The following GINS1 variants were observed in gnomAD, a reference collection of about 807,000 sequenced individuals.
GINS1 encodes the protein GINS complex subunit 1, also known as DNA replication complex GINS protein PSF1.
A neutral mutation model predicts 34.9 loss-of-function variants in GINS1; 26 were observed. The observed-to-expected ratio is 0.74, with a 90% CI of 0.55 to 1.03. The LOEUF (loss-of-function observed/expected upper bound fraction) is 1.03. Among genes scored for constraint, GINS1 ranks in the 50% least tolerant of loss-of-function variants. The pLI is 0.00. For synonymous variants in GINS1, 97 were observed against 84.4 expected, an observed-to-expected ratio of 1.15 and a Z score of -0.82; for missense variants, 235 against 237.9, an observed-to-expected ratio of 0.99 and a Z score of 0.08.
chr20:25,435,705 CA>C (rs2090450233), intron 5 of GINS1, among the ~76,000 whole-genome samples: 1 of 132,110 alleles, frequency 7.6e-6, no homozygotes, highest in African/African-American at 2.9e-5. Context: ...GCAGAGGTTG[CA>C]GTGAGCCGAG....
chr20:25,440,987 C>T (rs898017083), intron 5 of GINS1, among the ~76,000 whole-genome samples: 2 of 152,114 alleles, frequency 1.3e-5, no homozygotes, highest in Non-Finnish European at 2.9e-5. Context: ...ATAGTCGTTG[C>T]TGGCGTTGAC....
chr20:25,422,676 A>G (rs1237993797), intron 4 of GINS1, among the ~76,000 whole-genome samples: 2 of 152,208 alleles, frequency 1.3e-5, no homozygotes, highest in South Asian at 2.1e-4. Context: ...TTTGAACTTT[A>G]TATAGATTCA....
chr20:25,431,560 CCTTTTTTCTTTTTT>C (rs1218952910), intron 5 of GINS1, among the ~76,000 whole-genome samples: 1 of 148,836 alleles, frequency 6.7e-6, no homozygotes, highest in Non-Finnish European at 1.5e-5. Context: ...TTTTCTTTTT[CCTTTTTTCTTTTTT>C]CTTTTTTTTT....
chr20:25,423,452 C>CTTTTCTTTTTTTTTTTTTTTTTTTTT, intron 4 of GINS1, among the ~76,000 whole-genome samples: 1 of 29,992 alleles, frequency 3.3e-5, no homozygotes. Flanking sequence ...TTTTTCTTTT[C>CTTTTCTTTTTTTTTTTTTTTTTTTTT]TTTTTTTTTT....
At chr20:25,411,407 A>T (rs545436394) in intron 1 of GINS1, 126 of 152,322 alleles carry the variant, frequency 8.3e-4, no homozygotes, top group African/African-American at 2.9e-3. Context: ...ATGCCACAGC[A>T]TTTTTGCCAA....
chr20:25,423,517 G>A (rs2090371057), intron 4 of GINS1, among the ~76,000 whole-genome samples: 1 of 117,960 alleles, frequency 8.5e-6, no homozygotes, highest in Non-Finnish European at 1.6e-5. Context: ...CGCCCAGGCT[G>A]GAGTGCAGTG....
At chr20:25,424,885 A>G (rs539531978) in intron 4 of GINS1, among the ~76,000 whole-genome samples, 3 of 152,332 alleles carry the variant, frequency 2.0e-5, no homozygotes, top group Non-Finnish European at 4.4e-5. Flanking sequence ...CAGAAATAGC[A>G]TCAATGCAGA....
intron 4 of GINS1, chr20:25,419,717 C>T (rs924926811): frequency 2.4e-5 from 9 of 367,422 alleles, no homozygotes; most frequent in African/African-American, 2.0e-4. Context: ...GGCTGGAGTA[C>T]AGTGGTGCAT....
At chr20:25,414,670 A>G (rs2090309221) in intron 2 of GINS1, among the ~76,000 whole-genome samples, 1 of 152,196 alleles carries the variant, frequency 6.6e-6, no homozygotes, top group Admixed American at 6.5e-5. Flanking sequence ...ACTGCACCCT[A>G]GCCTGGGTGA....
At chr20:25,432,055 TAG>T (rs770886851) in intron 5 of GINS1, among the ~76,000 whole-genome samples, 2 of 151,846 alleles carry the variant, frequency 1.3e-5, no homozygotes, top group Non-Finnish European at 2.9e-5. Context: ...GTATTTTTAG[TAG>T]AGACGGGGTT....
At chr20:25,411,977 G>A (rs2090288473) in intron 1 of GINS1, among the ~76,000 whole-genome samples, 1 of 151,770 alleles carries the variant, frequency 6.6e-6, no homozygotes, top group African/African-American at 2.4e-5. Context: ...CATTGCTGGT[G>A]CACACCTGTA....
At chr20:25,423,273 C>T (rs1282094585) in intron 4 of GINS1, among the ~76,000 whole-genome samples, 1 of 150,776 alleles carries the variant, frequency 6.6e-6, no homozygotes, top group Non-Finnish European at 1.5e-5. Context: ...GCCACCATGC[C>T]CGGCTAATTT....
Position 25,446,286 on chromosome 20 carries a change from T to C in GINS1, c.*295T>C, listed in dbSNP as rs539638734. The C allele has an allele frequency of 2.0e-4, 53 of 271,634 alleles. No homozygotes were observed. In the East Asian group the frequency reaches 3.1e-3, roughly 16 times the overall value. 16.8% of individuals were successfully genotyped at this position (271,634 alleles called of 1,614,324 possible). A position where few individuals can be genotyped will look rare whatever the true frequency, so the allele number is the denominator to read the frequency against. On this transcript the variant is annotated 3_prime_UTR_variant, in exon 7 of 7. Transcript: ENST00000262460. Reference sequence around the variant, plus strand: ...CTGGCCTCAAGCAGTCCTCCCACCTTAGCTTCTCAAAGTGTTGAGATCACA... The same window carrying C: ...CTGGCCTCAAGCAGTCCTCCCACCTCAGCTTCTCAAAGTGTTGAGATCACA...
At chr20:25,429,913 G>GTCTTTC (rs2090417669) in intron 5 of GINS1, among the ~76,000 whole-genome samples, 1 of 152,156 alleles carries the variant, frequency 6.6e-6, no homozygotes, top group South Asian at 2.1e-4. Context: ...AAAGCTTTCA[G>GTCTTTC]TCTTTCTTTT....
At chr20:25,423,353 A>G (rs1025782871) in intron 4 of GINS1, among the ~76,000 whole-genome samples, 4 of 148,358 alleles carry the variant, frequency 2.7e-5, no homozygotes, top group Non-Finnish European at 4.4e-5. Context: ...GCCTCAAGAG[A>G]TATGCCCACC....
intron 1 of GINS1, among the ~76,000 whole-genome samples, chr20:25,412,102 C>A (rs1671709948): frequency 1.3e-5 from 2 of 151,938 alleles, no homozygotes; most frequent in African/African-American, 4.8e-5. Context: ...AGTGAGACTT[C>A]ATCTCAACAA....
At chr20:25,411,681 A>G (rs1302241957) in intron 1 of GINS1, among the ~76,000 whole-genome samples, 2 of 151,828 alleles carry the variant, frequency 1.3e-5, no homozygotes, top group African/African-American at 4.8e-5. Flanking sequence ...GGTGGCTTAC[A>G]CCTGTAATCC....
chr20:25,415,784 A>G (rs2090317182), intron 2 of GINS1, among the ~76,000 whole-genome samples: 3 of 152,038 alleles, frequency 2.0e-5, no homozygotes, highest in Non-Finnish European at 4.4e-5. Context: ...GATTCATGCT[A>G]TGAAGGAAAT....
In GINS1 at chr20:25,441,291, C is replaced by T. The variant is rs147598163; in HGVS notation, c.448-411C>T. Among the ~76,000 whole-genome samples the T allele has an allele frequency of 2.1e-3, 317 of 152,282 alleles. 2 individuals are homozygous for T. The highest frequency in any genetic ancestry group is 0.014 in the Middle Eastern group (4 of 294). ...GGATTGGAAGAATTGCTTCCAAAAA[C>T]GAATACTGCAGACTTACCTGTGTCC... On this transcript the variant is annotated intron_variant, in intron 5 of 6. Coordinates refer to ENST00000262460, the MANE Select transcript of GINS1 (RefSeq NM_021067.5).
Sources: allele counts gnomAD v4.1 joint callset (sites outside exome capture counted in the v4.1 genomes callset), GRCh38; gene constraint gnomAD v4.1.1; transcripts MANE v1.5; gene names NCBI Gene and HGNC (gene_info 2026-07-23, HGNC 2026-07-21).